Variants in COMMD10 observed in about 807,000 individuals in gnomAD.
The protein encoded by COMMD10 is COMM domain containing 10.
In COMMD10, 33 loss-of-function variants were observed where a neutral mutation model predicts 28.9. The observed-to-expected ratio is 1.14, with a 90% confidence interval of 0.87 to 1.53. The LOEUF (loss-of-function observed/expected upper bound fraction) is 1.53, where lower values mean the gene tolerates loss of function less well. COMMD10 is among the 40% of genes most tolerant of loss of function. The probability of loss-of-function intolerance (pLI) is 0.00; values close to 1 mark genes in which losing one functional copy is unlikely to be tolerated. For missense variants in COMMD10, 310 were observed against 233.4 expected, an observed-to-expected ratio of 1.33 and a Z score of -2.14; for synonymous variants, 110 against 81.7, an observed-to-expected ratio of 1.35 and a Z score of -1.87.
At chr5:116,201,399 A>G (rs1402217174) in intron 5 of COMMD10, among the ~76,000 whole-genome samples, 4 of 152,086 alleles carry the variant, frequency 2.6e-5, no homozygotes, top group African/African-American at 9.7e-5. Flanking sequence ...TGCATTTTTC[A>G]GTTTTTACAG....
intron 5 of COMMD10, among the ~76,000 whole-genome samples, chr5:116,171,971 A>G (rs9326995): frequency 5.9e-5 from 9 of 152,132 alleles, no homozygotes; most frequent in African/African-American, 1.7e-4. Context: ...AACTTAAATT[A>G]TAATAAAAAA....
At chr5:116,214,065 A>G (rs112319394) in intron 5 of COMMD10, among the ~76,000 whole-genome samples, 57 of 152,182 alleles carry the variant, frequency 3.7e-4, no homozygotes, top group African/African-American at 1.3e-3. Flanking sequence ...AGCCTAAACA[A>G]TGGTTGATTA....
intron 5 of COMMD10, among the ~76,000 whole-genome samples, chr5:116,190,815 A>T (rs1399701974): frequency 6.6e-6 from 1 of 152,242 alleles, no homozygotes; most frequent in South Asian, 2.1e-4. Context: ...ACTTTGAGAT[A>T]GCTACATGTT....
chr5:116,117,976 T>C (rs903306702), intron 4 of COMMD10, among the ~76,000 whole-genome samples: 1 of 152,188 alleles, frequency 6.6e-6, no homozygotes, highest in East Asian at 1.9e-4. Context: ...ATGTTACTCA[T>C]TGTAGAAGTT....
chr5:116,147,949 G>T (rs2112546963), intron 5 of COMMD10, among the ~76,000 whole-genome samples: 1 of 151,816 alleles, frequency 6.6e-6, no homozygotes, highest in Middle Eastern at 3.4e-3. Flanking sequence ...ATCTTTTATT[G>T]TCAGTACATG....
At chr5:116,160,204 G>T (rs1224289358) in intron 5 of COMMD10, among the ~76,000 whole-genome samples, 1 of 152,186 alleles carries the variant, frequency 6.6e-6, no homozygotes. Flanking sequence ...GGGAGAGACT[G>T]TAATGAGTAT....
chr5:116,272,402 T>C (rs1026333343), intron 5 of COMMD10, among the ~76,000 whole-genome samples: 1 of 151,880 alleles, frequency 6.6e-6, no homozygotes, highest in African/African-American at 2.4e-5. Flanking sequence ...AGGAGGACTC[T>C]AGTGAAGCTT....
chr5:116,182,410 G>T (rs75585136), intron 5 of COMMD10, among the ~76,000 whole-genome samples: 1 of 151,880 alleles, frequency 6.6e-6, no homozygotes, highest in Non-Finnish European at 1.5e-5. Context: ...GAAGAGGTGT[G>T]GGGGGTGGGT....
At chr5:116,176,791 A>T (rs949040075) in intron 5 of COMMD10, among the ~76,000 whole-genome samples, 5 of 152,178 alleles carry the variant, frequency 3.3e-5, no homozygotes, top group Non-Finnish European at 7.3e-5. Context: ...AGGAGACAGA[A>T]ACCACAAAGT....
At chr5:116,134,027 T>C (rs1751945657) in intron 4 of COMMD10, 41 bp from the exon 5 acceptor site, 1 of 1,136,882 alleles carries the variant, frequency 8.8e-7, no homozygotes, top group Admixed American at 1.7e-5. Context: ...GTTTTCTTCC[T>C]TCTGTACCAT....
intron 5 of COMMD10, among the ~76,000 whole-genome samples, chr5:116,238,084 G>C (rs1032017455): frequency 1.3e-5 from 2 of 152,160 alleles, no homozygotes; most frequent in African/African-American, 4.8e-5. Flanking sequence ...TCTGAAAATA[G>C]TAATGCCCTA....
rs542494930 is a variant in COMMD10, at chr5:116,293,075, T to G, written c.*586T>G. On this transcript the variant is annotated 3_prime_UTR_variant, in exon 7 of 7. Coordinates refer to ENST00000274458, the MANE Select transcript of COMMD10 (RefSeq NM_016144.4). Reference sequence around the variant, plus strand: ...GTCAACTTCAGTTTCTCTCTCAGTTTAATGATTTAATAATAGTCCAGGTTT... The same window carrying G: ...GTCAACTTCAGTTTCTCTCTCAGTTGAATGATTTAATAATAGTCCAGGTTT... 7.6e-5 allele frequency: 30 copies of G among 396,996 alleles called. No homozygotes were observed. Among genetic ancestry groups the G allele is most frequent in the South Asian group, 1.3e-4 (1 of 7,856 alleles). The allele number at this position is 396,996 out of a possible 1,614,324, so 24.6% of individuals were successfully genotyped here.
intron 5 of COMMD10, among the ~76,000 whole-genome samples, chr5:116,244,660 C>CAAAAAAAAAAAAAAAAAAAAAAA (rs60360733): frequency 1.1e-4 from 9 of 79,476 alleles, no homozygotes; most frequent in Non-Finnish European, 1.5e-4. Context: ...AAAAAAATTA[C>CAAAAAAAAAAAAAAAAAAAAAAA]AAAAAAAAAA....
chr5:116,129,902 C>T (rs1170259185), intron 4 of COMMD10, among the ~76,000 whole-genome samples: 1 of 149,302 alleles, frequency 6.7e-6, no homozygotes, highest in Admixed American at 6.8e-5. Context: ...GTTATCCTTT[C>T]TATATTTTCT....
At position 116,155,540 on chromosome 5, in the gene COMMD10, A is replaced by G. The variant is rs549035613; in HGVS notation, c.510+21362A>G. Among the ~76,000 whole-genome samples the G allele has an allele frequency of 2.6e-5, 4 of 152,240 alleles. No individual in the cohort carries two copies. In the East Asian group the frequency reaches 7.7e-4, roughly 29 times the overall value. On this transcript the variant is annotated intron_variant, in intron 5 of 6. Coordinates refer to ENST00000274458, the MANE Select transcript of COMMD10 (RefSeq NM_016144.4). ...TTTTGTAAAAATTTTGTAGATAAAC[A>G]GACATCCTGTGTATTCTGGTAAGAA...
chr5:116,205,035 C>A (rs1272254485), intron 5 of COMMD10, among the ~76,000 whole-genome samples: 1 of 152,096 alleles, frequency 6.6e-6, no homozygotes, highest in Non-Finnish European at 1.5e-5. Context: ...CTAAATGAGA[C>A]TAGTAAAATG....
At chr5:116,234,712 C>T (rs188736964) in intron 5 of COMMD10, among the ~76,000 whole-genome samples, 1 of 152,088 alleles carries the variant, frequency 6.6e-6, no homozygotes, top group Non-Finnish European at 1.5e-5. Context: ...TTAGGAACTT[C>T]CGAAAAAATA....
intron 5 of COMMD10, among the ~76,000 whole-genome samples, chr5:116,169,909 T>C (rs1169554055): frequency 2.6e-5 from 4 of 152,132 alleles, no homozygotes; most frequent in Admixed American, 1.3e-4. Flanking sequence ...GCTGGAAGTA[T>C]TTTCTTTGAA....
At chr5:116,244,944 A>G (rs546688159) in intron 5 of COMMD10, among the ~76,000 whole-genome samples, 1 of 152,128 alleles carries the variant, frequency 6.6e-6, no homozygotes, top group South Asian at 2.1e-4. Flanking sequence ...AAGAGCAAAC[A>G]AATCCCAAAG....
Sources: allele counts gnomAD v4.1 joint callset (sites outside exome capture counted in the v4.1 genomes callset), GRCh38; gene constraint gnomAD v4.1.1; transcripts MANE v1.5; gene names NCBI Gene and HGNC (gene_info 2026-07-23, HGNC 2026-07-21).